Variants in SPATA16 observed in about 807,000 individuals in gnomAD.
SPATA16 encodes the protein spermatogenesis-associated protein 16.
In SPATA16, 36 loss-of-function variants were observed where a neutral mutation model predicts 63.3. That is an observed-to-expected ratio of 0.57 (90% CI 0.44 to 0.75). The LOEUF is 0.75. SPATA16 is among the 30% of genes least tolerant of loss of function. The pLI is 0.00. For missense variants in SPATA16, 646 were observed against 679.3 expected, an observed-to-expected ratio of 0.95 and a Z score of 0.54; for synonymous variants, 203 against 216.7, an observed-to-expected ratio of 0.94 and a Z score of 0.56.
intron 2 of SPATA16, among the ~76,000 whole-genome samples, chr3:173,051,523 A>G (rs945531831): frequency 1.2e-4 from 18 of 151,964 alleles, no homozygotes; most frequent in Non-Finnish European, 2.4e-4. Flanking sequence ...TTCAGTACAG[A>G]TGGGGTTTCA....
intron 6 of SPATA16, among the ~76,000 whole-genome samples, chr3:172,931,470 G>A (rs1484063707): frequency 6.6e-6 from 1 of 151,886 alleles, no homozygotes; most frequent in Non-Finnish European, 1.5e-5. Context: ...GTGGTCTTGA[G>A]CTCCTGGCCT....
intron 1 of SPATA16, among the ~76,000 whole-genome samples, chr3:173,118,703 C>T (rs1737976001): frequency 6.6e-6 from 1 of 152,146 alleles, no homozygotes; most frequent in African/African-American, 2.4e-5. Context: ...AGTTGCTTCT[C>T]CAAGGTCACA....
intron 2 of SPATA16, among the ~76,000 whole-genome samples, chr3:173,091,280 G>A (rs1056746366): frequency 7.9e-5 from 12 of 151,932 alleles, no homozygotes; most frequent in African/African-American, 2.2e-4. Flanking sequence ...AGACCTATTA[G>A]TAAATTCATA....
chr3:172,953,437 G>C (rs1733499691), intron 6 of SPATA16, among the ~76,000 whole-genome samples: 2 of 152,214 alleles, frequency 1.3e-5, no homozygotes, highest in African/African-American at 4.8e-5. Flanking sequence ...GACTCAGAAA[G>C]TGGCTGGGTT....
chr3:173,045,874 A>AAATG (rs1328876113), intron 3 of SPATA16, among the ~76,000 whole-genome samples: 3 of 152,230 alleles, frequency 2.0e-5, no homozygotes, highest in Admixed American at 6.5e-5. Flanking sequence ...AAGTTTTTTA[A>AAATG]AATGAATGAA....
intron 2 of SPATA16, among the ~76,000 whole-genome samples, chr3:173,065,413 A>C (rs1350009595): frequency 6.6e-6 from 1 of 152,188 alleles, no homozygotes; most frequent in Non-Finnish European, 1.5e-5. Flanking sequence ...CAGTATTTCT[A>C]ACAAGAATTT....
intron 2 of SPATA16, among the ~76,000 whole-genome samples, chr3:173,072,961 T>C (rs1219143098): frequency 6.6e-6 from 1 of 152,178 alleles, no homozygotes; most frequent in African/African-American, 2.4e-5. Flanking sequence ...TCTAGGCTGT[T>C]GTGGTCTCAG....
chr3:173,123,431 G>A (rs1738138255), intron 1 of SPATA16, among the ~76,000 whole-genome samples: 1 of 151,786 alleles, frequency 6.6e-6, no homozygotes, highest in Non-Finnish European at 1.5e-5. Flanking sequence ...AAGTTGATTG[G>A]GATTTGTACT....
At chr3:172,995,786 A>G (rs2108263385) in intron 4 of SPATA16, among the ~76,000 whole-genome samples, 1 of 152,268 alleles carries the variant, frequency 6.6e-6, no homozygotes, top group East Asian at 1.9e-4. Context: ...AATTTTAAAT[A>G]CATAGAAAAG....
At chr3:172,966,879 A>C (rs79644728) in intron 5 of SPATA16, among the ~76,000 whole-genome samples, 3,208 of 152,316 alleles carry the variant, frequency 0.021, 107 homozygotes, top group African/African-American at 0.072. Flanking sequence ...CTGCTAAAAA[A>C]AGTGACCTCA....
intron 2 of SPATA16, among the ~76,000 whole-genome samples, chr3:173,070,394 C>CAAAA (rs34180269): frequency 2.2e-5 from 2 of 92,988 alleles, no homozygotes; most frequent in South Asian, 6.6e-4. Flanking sequence ...GACTCTGTCT[C>CAAAA]AAAAAAAAAA....
At chr3:172,950,496 G>A (rs1733405148) in intron 6 of SPATA16, among the ~76,000 whole-genome samples, 1 of 152,132 alleles carries the variant, frequency 6.6e-6, no homozygotes. Context: ...TGGGGCTGAA[G>A]ACTGTTTAAT....
At chr3:173,130,793 G>C (rs1384785089) in intron 1 of SPATA16, among the ~76,000 whole-genome samples, 1 of 152,052 alleles carries the variant, frequency 6.6e-6, no homozygotes, top group African/African-American at 2.4e-5. Context: ...TAACCATTTG[G>C]AATTTGTATA....
chr3:173,019,563 TA>T lies in SPATA16; in HGVS notation c.770del (p.Leu257Ter), dbSNP rs749839199. ...GATGATTCCGGAAATAGGCTGGGTT[TA>T]AAACAATGCTCCTGTAAAAAGGTAA... The part of the protein sequence containing the change: ...ALNHAHRSIV[L>X]NPAYFRNHLR... On this transcript the variant is annotated frameshift_variant, in exon 4 of 11. Coordinates refer to ENST00000351008, the MANE Select transcript of SPATA16 (RefSeq NM_031955.6). LOFTEE classifies it high-confidence loss of function. 1 of 1,614,014 alleles carries T rather than the reference TA, an allele frequency of 6.2e-7. No homozygotes were observed.
chr3:172,978,871 T>A (rs764755104), intron 4 of SPATA16, among the ~76,000 whole-genome samples: 13 of 152,338 alleles, frequency 8.5e-5, no homozygotes, highest in Non-Finnish European at 1.9e-4. Flanking sequence ...CAGATTGGGT[T>A]AGTTTAACTC....
At chr3:172,983,074 A>G (rs1734357959) in intron 4 of SPATA16, among the ~76,000 whole-genome samples, 1 of 152,212 alleles carries the variant, frequency 6.6e-6, no homozygotes, top group Admixed American at 6.5e-5. Context: ...ATGAGAATCT[A>G]TTCCGTTTTA....
At chr3:173,022,779 A>G (rs532810278) in intron 3 of SPATA16, among the ~76,000 whole-genome samples, 18 of 152,156 alleles carry the variant, frequency 1.2e-4, no homozygotes, top group African/African-American at 4.3e-4. Flanking sequence ...ATCAGAGAGC[A>G]ATCTCAGAGC....
chr3:173,103,772 T>A (rs143272433), intron 2 of SPATA16, among the ~76,000 whole-genome samples: 7 of 152,266 alleles, frequency 4.6e-5, no homozygotes, highest in Non-Finnish European at 7.3e-5. Context: ...AGCTACATTT[T>A]AGTCATGCAA....
chr3:173,041,007 T>C (rs966244383), intron 3 of SPATA16, among the ~76,000 whole-genome samples: 6 of 152,160 alleles, frequency 3.9e-5, no homozygotes, highest in Non-Finnish European at 8.8e-5. Flanking sequence ...TAGCATCCTT[T>C]ATATATTTTT....
Sources: allele counts gnomAD v4.1 joint callset (sites outside exome capture counted in the v4.1 genomes callset), GRCh38; gene constraint gnomAD v4.1.1; transcripts MANE v1.5; gene names NCBI Gene and HGNC (gene_info 2026-07-23, HGNC 2026-07-21).